Variants in CDYL2 observed in about 807,000 individuals in gnomAD.
CDYL2 encodes the protein chromodomain Y-like protein 2.
CDYL2 carries 23 observed loss-of-function variants against 49.4 expected under a neutral mutation model. The observed-to-expected ratio is 0.47, with a 90% CI of 0.34 to 0.66. The LOEUF is 0.66. Among genes scored for constraint, CDYL2 ranks in the 30% least tolerant of loss-of-function variants. The probability of loss-of-function intolerance (pLI) is 0.01; values close to 1 mark genes in which losing one functional copy is unlikely to be tolerated. For missense variants in CDYL2, 678 were observed against 656.4 expected, an observed-to-expected ratio of 1.03 and a Z score of -0.36; for synonymous variants, 360 against 268.8, an observed-to-expected ratio of 1.34 and a Z score of -3.32.
At position 80,612,540 on chromosome 16, in the gene CDYL2, G is replaced by A. The variant is rs1906644605; in HGVS notation, c.1218+86C>T. ...ATCTGCAGGCTGACAACACCCTCAG[G>A]TTTCTAGCCCCATGAAGAGCCCCTA... On this transcript the variant is annotated intron_variant, in intron 5 of 6. Transcript: ENST00000570137. The surrounding 1 kb of genome is among the most constrained non-coding windows in gnomAD (Gnocchi z 5.0). 1.5e-6 allele frequency: 2 copies of A among 1,356,804 alleles called. No individual in the cohort carries two copies. The highest frequency in any genetic ancestry group is 2.3e-5 in the East Asian group (1 of 43,038). The allele number at this position is 1,356,804 out of a possible 1,614,324, so 84.0% of individuals were successfully genotyped here.
intron 1 of CDYL2, among the ~76,000 whole-genome samples, chr16:80,693,714 T>G (rs1442327240): frequency 2.6e-5 from 4 of 152,194 alleles, no homozygotes; most frequent in Non-Finnish European, 1.5e-5. Flanking sequence ...AAGGGAATCT[T>G]TAGGTGATTA....
chr16:80,757,599 A>G (rs1180642772), intron 1 of CDYL2, among the ~76,000 whole-genome samples: 6 of 151,152 alleles, frequency 4.0e-5, no homozygotes, highest in African/African-American at 9.7e-5. Flanking sequence ...AAAATATTTG[A>G]TATTTTATAT....
chr16:80,788,701 T>A (rs928501322), intron 1 of CDYL2, among the ~76,000 whole-genome samples: 9 of 152,236 alleles, frequency 5.9e-5, no homozygotes, highest in African/African-American at 1.9e-4. Context: ...AACCGTCTGG[T>A]GTCTGTGAAT....
chr16:80,681,500 G>T (rs1909965702), intron 2 of CDYL2, among the ~76,000 whole-genome samples: 1 of 152,104 alleles, frequency 6.6e-6, no homozygotes, highest in African/African-American at 2.4e-5. Flanking sequence ...TGGAACCACG[G>T]CATCCCCTGT....
chr16:80,730,246 G>C (rs1300359575), intron 1 of CDYL2, among the ~76,000 whole-genome samples: 1 of 152,086 alleles, frequency 6.6e-6, no homozygotes, highest in African/African-American at 2.4e-5. Flanking sequence ...TCAAACAGAT[G>C]CAATAAAAAA....
chr16:80,770,467 A>AC (rs1442701021), intron 1 of CDYL2, among the ~76,000 whole-genome samples: 2 of 152,220 alleles, frequency 1.3e-5, no homozygotes, highest in Non-Finnish European at 2.9e-5. Flanking sequence ...TATTGTATGT[A>AC]GAAAAACAAA....
At chr16:80,752,099 T>G (rs1295843086) in intron 1 of CDYL2, among the ~76,000 whole-genome samples, 1 of 150,410 alleles carries the variant, frequency 6.6e-6, no homozygotes. Context: ...GTGGACAATT[T>G]TAGCAAAGCG....
At position 80,651,117 on chromosome 16, in the gene CDYL2, G is replaced by A. The variant is rs1010343007; in HGVS notation, c.617-17881C>T. Among the ~76,000 whole-genome samples, 9 of 152,268 alleles carry A rather than the reference G, an allele frequency of 5.9e-5. No homozygotes were observed. In the East Asian group the frequency reaches 1.7e-3, roughly 29 times the overall value. On this transcript the variant is annotated intron_variant, in intron 2 of 6. Transcript: ENST00000570137. ...ATAACTAAAAGAGTGTAACTGGATTGTTTGTAACACAAGGAATAAATGCTT... is the reference window on the plus strand; with the variant it reads ...ATAACTAAAAGAGTGTAACTGGATTATTTGTAACACAAGGAATAAATGCTT...
intron 3 of CDYL2, among the ~76,000 whole-genome samples, chr16:80,623,442 G>A (rs528811462): frequency 6.6e-6 from 1 of 150,534 alleles, no homozygotes; most frequent in African/African-American, 2.4e-5. Context: ...CTGACCCTAC[G>A]GAACAGGTCA....
chr16:80,625,195 C>T lies in CDYL2; in HGVS notation c.835-4260G>A, dbSNP rs1907247931. Reference sequence around the variant, plus strand: ...TACTGGGTTAAAATCAAGTTGTCAGCAAGACTGCATTCCTTTGTGGAGGCG... The same window carrying T: ...TACTGGGTTAAAATCAAGTTGTCAGTAAGACTGCATTCCTTTGTGGAGGCG... On this transcript the variant is annotated intron_variant, in intron 3 of 6. Transcript: ENST00000570137. 2.0e-5 allele frequency among the ~76,000 whole-genome samples: 3 copies of T among 152,220 alleles called. No homozygotes were observed. The South Asian group carries it at 6.2e-4, about 31-fold the overall frequency.
chr16:80,698,931 C>T (rs1488853399), intron 1 of CDYL2, among the ~76,000 whole-genome samples: 2 of 151,988 alleles, frequency 1.3e-5, no homozygotes, highest in East Asian at 3.9e-4. Context: ...CACTAATCAC[C>T]AGGAAAATGC....
rs748321271 is a variant in CDYL2, at chr16:80,684,897, A to G, written c.257T>C (p.Val86Ala). ...KLLRDSRGPS[V>A]EKLSHRPSDP... ...TGAAGGTCTGTGGGACAGTTTCTCA[A>G]CCGACGGGCCTCGACTGTCACGCAG... Residue 86 changes from valine (V) to alanine (A), a missense_variant, in exon 2 of 7, where the codon GTT becomes GCT. Physicochemically the swap from Val to Ala is moderately conservative, Grantham distance 64 (BLOSUM62 0). Transcript: ENST00000570137. 1.9e-6 allele frequency: 3 copies of G among 1,614,010 alleles called. No individual in the cohort carries two copies. The highest frequency in any genetic ancestry group is 2.2e-5 in the East Asian group (1 of 44,876).
At chr16:80,731,971 G>T (rs1905341934) in intron 1 of CDYL2, among the ~76,000 whole-genome samples, 1 of 151,218 alleles carries the variant, frequency 6.6e-6, no homozygotes, top group South Asian at 2.1e-4. Flanking sequence ...CAGGGTGACA[G>T]AGATGCACTA....
At chr16:80,688,852 T>G (rs1200041924) in intron 1 of CDYL2, among the ~76,000 whole-genome samples, 1 of 152,180 alleles carries the variant, frequency 6.6e-6, no homozygotes. Context: ...AAATCCTTTT[T>G]AAGCTCCTCC....
chr16:80,731,470 T>C lies in CDYL2; in HGVS notation c.25-46341A>G, dbSNP rs1233506136. Among the ~76,000 whole-genome samples the C allele has an allele frequency of 3.3e-5, 5 of 152,052 alleles. No homozygotes were observed. In the East Asian group the frequency reaches 5.8e-4, roughly 18 times the overall value. On this transcript the variant is annotated intron_variant, in intron 1 of 6. Coordinates refer to ENST00000570137, the MANE Select transcript of CDYL2 (RefSeq NM_152342.4). ...TGAAAAATTCCCACAACAAAGAATA[T>C]GTGTTTCCAGATTCAAAGAGCCCAC...
intron 1 of CDYL2, among the ~76,000 whole-genome samples, chr16:80,770,962 C>G (rs1382387544): frequency 6.6e-6 from 1 of 152,154 alleles, no homozygotes; most frequent in African/African-American, 2.4e-5. Context: ...GAAGAGTCAG[C>G]TGACAAAAGT....
chr16:80,720,652 G>A (rs1904966895), intron 1 of CDYL2, among the ~76,000 whole-genome samples: 1 of 152,162 alleles, frequency 6.6e-6, no homozygotes, highest in African/African-American at 2.4e-5. Context: ...CATGCTCCTG[G>A]CATTTCTTCC....
chr16:80,671,722 T>C (rs530709964), intron 2 of CDYL2, among the ~76,000 whole-genome samples: 12 of 152,226 alleles, frequency 7.9e-5, no homozygotes, highest in Non-Finnish European at 1.6e-4. Flanking sequence ...GCTCCTCTTG[T>C]TCCCCTTAAA....
At chr16:80,634,009 C>T (rs1907698013) in intron 2 of CDYL2, among the ~76,000 whole-genome samples, 1 of 152,010 alleles carries the variant, frequency 6.6e-6, no homozygotes, top group Non-Finnish European at 1.5e-5. Flanking sequence ...CACCCCCAAA[C>T]CTCCATCGGA....
Sources: gnomAD v4.1 joint callset for allele counts (sites outside exome capture counted in the v4.1 genomes callset) on GRCh38, gnomAD v4.1.1 for gene constraint, Gnocchi (gnomAD v3.1) non-coding constraint, MANE v1.5 for transcripts, NCBI Gene and HGNC (gene_info 2026-07-23, HGNC 2026-07-21) for gene names.